Variants in RBM6 observed in about 807,000 individuals in gnomAD.
RBM6 encodes RNA binding motif protein 6.
In RBM6, 23 loss-of-function variants were observed where a neutral mutation model predicts 140.4. That is an observed-to-expected ratio of 0.16 (90% CI 0.12 to 0.23). RBM6 has a LOEUF of 0.23. Ranked by LOEUF, RBM6 falls within the 10% of genes least tolerant of loss-of-function variation. The pLI, the probability that RBM6 is intolerant of heterozygous loss-of-function variation, is 1.00. For synonymous variants in RBM6, 439 were observed against 475.6 expected (o/e 0.92, Z 1.00); for missense variants, 1,139 against 1,386.7 (o/e 0.82, Z 2.84).
chr3:50,046,280 CAA>C (rs1184110898), intron 6 of RBM6, among the ~76,000 whole-genome samples: 15 of 94,548 alleles, frequency 1.6e-4, no homozygotes, highest in Non-Finnish European at 1.3e-4. Context: ...GACTCTGTCT[CAA>C]AAAAAAAAAA....
At chr3:49,965,365 G>T (rs2084458245) in intron 2 of RBM6, among the ~76,000 whole-genome samples, 1 of 152,306 alleles carries the variant, frequency 6.6e-6, no homozygotes, top group East Asian at 1.9e-4. Context: ...GTGTTAAATT[G>T]TATTGCCTAA....
At chr3:50,012,869 A>G (rs998405441) in intron 6 of RBM6, among the ~76,000 whole-genome samples, 1 of 151,466 alleles carries the variant, frequency 6.6e-6, no homozygotes, top group Non-Finnish European at 1.5e-5. Context: ...CAGCCTCCCA[A>G]GTAATTGGGA....
intron 17 of RBM6, among the ~76,000 whole-genome samples, chr3:50,067,587 G>A (rs1474884214): frequency 1.3e-5 from 2 of 152,184 alleles, no homozygotes; most frequent in Admixed American, 6.5e-5. Flanking sequence ...ATTTCTTCAT[G>A]TAGTGAATAT....
At chr3:50,036,386 T>A (rs1337399176) in intron 6 of RBM6, among the ~76,000 whole-genome samples, 5 of 152,164 alleles carry the variant, frequency 3.3e-5, no homozygotes, top group African/African-American at 4.8e-5. Context: ...GGGCTATGCC[T>A]TTGTAGCACA....
At chr3:49,997,793 G>A (rs2108731235) in intron 5 of RBM6, among the ~76,000 whole-genome samples, 1 of 152,298 alleles carries the variant, frequency 6.6e-6, no homozygotes, top group South Asian at 2.1e-4. Flanking sequence ...TGTATTAGGT[G>A]TTCAATGAGT....
chr3:49,944,602 A>G (rs770772586), intron 1 of RBM6, among the ~76,000 whole-genome samples: 12 of 150,166 alleles, frequency 8.0e-5, no homozygotes, highest in Non-Finnish European at 1.5e-4. Flanking sequence ...CAGCCTCCCG[A>G]GTAGCTGGGA....
intron 3 of RBM6, among the ~76,000 whole-genome samples, chr3:49,971,206 C>T (rs1378849946): frequency 2.8e-5 from 4 of 142,980 alleles, no homozygotes; most frequent in South Asian, 2.5e-4. Context: ...GCAGAGGTTG[C>T]GGGGAGGCAG....
chr3:49,986,792 CTCTTT>C (rs2085584372), intron 5 of RBM6, among the ~76,000 whole-genome samples: 1 of 130,884 alleles, frequency 7.6e-6, no homozygotes, highest in African/African-American at 2.8e-5. Flanking sequence ...TTCTTCTCTT[CTCTTT>C]TCTTTTCTTT....
intron 5 of RBM6, among the ~76,000 whole-genome samples, chr3:49,982,111 A>C (rs1197775414): frequency 6.6e-6 from 1 of 152,184 alleles, no homozygotes; most frequent in Non-Finnish European, 1.5e-5. Context: ...GTGAATGGAC[A>C]GTCTCTGTAT....
At chr3:49,961,059 T>A (rs531030293) in intron 1 of RBM6, among the ~76,000 whole-genome samples, 1 of 152,004 alleles carries the variant, frequency 6.6e-6, no homozygotes, top group African/African-American at 2.4e-5. Context: ...CTACACATAG[T>A]CATCATGCCT....
intron 19 of RBM6, among the ~76,000 whole-genome samples, chr3:50,074,074 C>A (rs2090386884): frequency 1.3e-5 from 2 of 152,158 alleles, no homozygotes; most frequent in African/African-American, 4.8e-5. Context: ...GGTGATCCAC[C>A]CGCCTTGGCC....
At chr3:50,040,465 AAAAAAAATATAT>A (rs1456002247) in intron 6 of RBM6, among the ~76,000 whole-genome samples, 73 of 53,322 alleles carry the variant, frequency 1.4e-3, no homozygotes, top group East Asian at 6.3e-3. Flanking sequence ...AAAAAAAAAA[AAAAAAAATATAT>A]ATATATATAT....
chr3:49,983,001 C>G (rs552562463), intron 5 of RBM6, among the ~76,000 whole-genome samples: 2 of 152,030 alleles, frequency 1.3e-5, no homozygotes, highest in South Asian at 4.2e-4. Context: ...CATGAACCAC[C>G]ACGCCTGGCC....
intron 2 of RBM6, among the ~76,000 whole-genome samples, chr3:49,964,332 G>A (rs887319023): frequency 6.6e-6 from 1 of 152,150 alleles, no homozygotes; most frequent in Non-Finnish European, 1.5e-5. Context: ...TCCATATAAT[G>A]TTTAGTAAAA....
rs753348980 is a variant in RBM6, at chr3:50,059,631, G to A, written c.2131-18G>A. 1 of 1,603,306 alleles carries A rather than the reference G, an allele frequency of 6.2e-7. No homozygotes were observed. Among genetic ancestry groups the A allele is most frequent in the South Asian group, 1.1e-5 (1 of 89,678 alleles). ...TGGCATTTTCTGTCTCTGGGTTCAA[G>A]TGTGTCTGGTTCTATAGGAAGCTCT... On this transcript the variant is annotated intron_variant, in intron 10 of 20. Transcript: ENST00000266022.
chr3:49,944,472 A>G (rs923915732), intron 1 of RBM6, among the ~76,000 whole-genome samples: 1 of 141,070 alleles, frequency 7.1e-6, no homozygotes, highest in Non-Finnish European at 1.5e-5. Context: ...GTGTACAAAT[A>G]TCTTTTTTTT....
intron 11 of RBM6, 178 bp from the exon 12 acceptor site, chr3:50,060,778 A>ATT: frequency 5.5e-6 from 2 of 361,222 alleles, no homozygotes; most frequent in Non-Finnish European, 4.8e-6. Flanking sequence ...AAAAAAAAAG[A>ATT]GTCTTACTGC....
At chr3:50,049,735 G>A (rs2089385653) in intron 7 of RBM6, among the ~76,000 whole-genome samples, 1 of 151,536 alleles carries the variant, frequency 6.6e-6, no homozygotes, top group African/African-American at 2.4e-5. Context: ...CTTTTATTGA[G>A]ATAAAATACA....
chr3:49,967,517 C>T lies in RBM6; in HGVS notation c.92C>T (p.Pro31Leu). The change falls in exon 3 of 21, where the codon CCT becomes CTT. Residue 31 changes from proline to leucine, a missense_variant. Transcript: ENST00000266022. This position sits in a 1 kb window ranked among gnomAD's most constrained non-coding sequence, Gnocchi z 4.0. ...RFAPGWNRDY[P>L]PPPLKSHAQE... is the part of the protein sequence containing the mutation. ...GCTCCCGGGTGGAACAGGGATTATC[C>T]TCCTCCTCCCCTTAAGAGTCATGCT... 6.2e-7 allele frequency: 1 copy of T among 1,613,968 alleles called. No homozygotes were observed. The highest frequency in any genetic ancestry group is 8.5e-7 in the Non-Finnish European group (1 of 1,179,962).
Sources: gnomAD v4.1 joint callset for allele counts (sites outside exome capture counted in the v4.1 genomes callset) on GRCh38, gnomAD v4.1.1 for gene constraint, Gnocchi (gnomAD v3.1) non-coding constraint, MANE v1.5 for transcripts, NCBI Gene and HGNC (gene_info 2026-07-23, HGNC 2026-07-21) for gene names.